The following TCF7L1 variants were observed in gnomAD, a reference collection of about 807,000 sequenced individuals.
TCF7L1 encodes transcription factor 7 like 1, also known as transcription factor 7-like 1.
A neutral mutation model predicts 63.7 loss-of-function variants in TCF7L1; 18 were observed. The observed-to-expected ratio is 0.28, with a 90% CI of 0.20 to 0.42. TCF7L1 has a LOEUF of 0.42. Ranked by LOEUF, TCF7L1 falls within the 10% of genes least tolerant of loss-of-function variation. The pLI, the probability that TCF7L1 is intolerant of heterozygous loss-of-function variation, is 1.00. For synonymous variants in TCF7L1, 355 were observed against 340.9 expected (o/e 1.04, Z -0.46); for missense variants, 654 against 779.3 (o/e 0.84, Z 1.91).
At chr2:85,290,113 G>A (rs1057086532) in intron 4 of TCF7L1, among the ~76,000 whole-genome samples, 20 of 151,936 alleles carry the variant, frequency 1.3e-4, no homozygotes, top group Middle Eastern at 3.4e-3. Context: ...CAAGTAGCTG[G>A]GATTACAGGC....
intron 3 of TCF7L1, among the ~76,000 whole-genome samples, chr2:85,214,983 T>C (rs1679662108): frequency 6.6e-6 from 1 of 152,112 alleles, no homozygotes; most frequent in Non-Finnish European, 1.5e-5. Flanking sequence ...CAGCCAGCTA[T>C]GGAGAGTAAA....
Position 85,302,609 on chromosome 2 carries a change from A to G in TCF7L1, c.651A>G (p.Pro217=), listed in dbSNP as rs1395958103. 1 of 1,490,054 alleles carries G rather than the reference A, an allele frequency of 6.7e-7. No individual in the cohort carries two copies. The highest frequency in any genetic ancestry group is 1.1e-5 in the South Asian group (1 of 89,218). The allele number at this position is 1,490,054 out of a possible 1,614,324, so 92.3% of individuals were successfully genotyped here. The change falls in exon 5 of 12, where the codon CCA becomes CCG. Residue 217 remains proline, a synonymous_variant. Transcript: ENST00000282111. The part of the protein sequence containing the change: ...PPTHLSPEID[P]KTGIPRPPHP... ...CCCACCTCTCCCCAGAGATCGATCC[A>G]AAGACAGGTAAGTCGTCTGCCACTC...
intron 3 of TCF7L1, among the ~76,000 whole-genome samples, chr2:85,180,481 A>G (rs1240222812): frequency 6.6e-6 from 1 of 151,996 alleles, no homozygotes; most frequent in Non-Finnish European, 1.5e-5. Flanking sequence ...GCACATTATC[A>G]TACCCCTCAA....
intron 7 of TCF7L1, 125 bp downstream of exon 7, chr2:85,304,463 T>C: frequency 1.1e-6 from 1 of 912,484 alleles, no homozygotes; most frequent in Non-Finnish European, 1.6e-6. Context: ...CCACCTCTCT[T>C]TGATCAAGCA....
chr2:85,223,281 G>A (rs982211737), intron 3 of TCF7L1, among the ~76,000 whole-genome samples: 8 of 152,098 alleles, frequency 5.3e-5, no homozygotes, highest in East Asian at 1.9e-4. Flanking sequence ...ACAAGGTTTC[G>A]AAATCCTGGC....
chr2:85,134,390 C>G lies in TCF7L1; in HGVS notation c.381C>G (p.Ile127Met). 6.4e-7 allele frequency: 1 copy of G among 1,573,392 alleles called. No individual in the cohort carries two copies. The highest frequency in any genetic ancestry group is 8.6e-7 in the Non-Finnish European group (1 of 1,158,704). ...ACCCTGGGTACCCCTTCCTGATGAT[C>G]CCGGACCTGAGCAGCCCGTACCTCT... Reference protein sequence around the residue: ...PPYPGYPFLMIPDLSSPYLSN... With the variant: ...PPYPGYPFLMMPDLSSPYLSN... The change falls in exon 3 of 12, where the codon ATC becomes ATG. Residue 127 changes from isoleucine to methionine, a missense_variant. Coordinates refer to ENST00000282111, the MANE Select transcript of TCF7L1 (RefSeq NM_031283.3). This position sits in a 1 kb window ranked among gnomAD's most constrained non-coding sequence, Gnocchi z 5.0.
chr2:85,136,100 A>G (rs1027360218), intron 3 of TCF7L1, among the ~76,000 whole-genome samples: 4 of 152,052 alleles, frequency 2.6e-5, no homozygotes, highest in Non-Finnish European at 4.4e-5. Flanking sequence ...TACTATTAGG[A>G]TATCTAGAGA....
chr2:85,220,807 G>A (rs116557619), intron 3 of TCF7L1, among the ~76,000 whole-genome samples: 1 of 152,150 alleles, frequency 6.6e-6, no homozygotes, highest in Non-Finnish European at 1.5e-5. Context: ...AAAAGAGAGA[G>A]AATATATATT....
chr2:85,229,212 G>C (rs1230780247), intron 3 of TCF7L1, among the ~76,000 whole-genome samples: 1 of 151,686 alleles, frequency 6.6e-6, no homozygotes, highest in African/African-American at 2.4e-5. Context: ...TGGGCGTGTT[G>C]GCACACACCT....
chr2:85,286,057 G>A lies in TCF7L1; in HGVS notation c.525+2479G>A, dbSNP rs1041994021. 4.6e-5 allele frequency among the ~76,000 whole-genome samples: 7 copies of A among 152,120 alleles called. 1 individual carries two copies. The highest frequency in any genetic ancestry group is 1.7e-4 in the African/African-American group (7 of 41,494). On this transcript the variant is annotated intron_variant, in intron 4 of 11. Coordinates refer to ENST00000282111, the MANE Select transcript of TCF7L1 (RefSeq NM_031283.3). Reference sequence around the variant, plus strand: ...AAATACAAAATTAGCCAGGCATGGTGGCGCATACCTGTAATCTCAACTACT... The same window carrying A: ...AAATACAAAATTAGCCAGGCATGGTAGCGCATACCTGTAATCTCAACTACT...
At position 85,221,996 on chromosome 2, in the gene TCF7L1, G is replaced by T. The variant is rs762394864; in HGVS notation, c.442-61499G>T. Reference sequence around the variant, plus strand: ...TCCACGAATAATACAGGAGGCGTGGGCAGGGTGGAAATAGGGAAAGAGAAA... The same window carrying T: ...TCCACGAATAATACAGGAGGCGTGGTCAGGGTGGAAATAGGGAAAGAGAAA... On this transcript the variant is annotated intron_variant, in intron 3 of 11. Transcript: ENST00000282111. Among the ~76,000 whole-genome samples the T allele has an allele frequency of 1.9e-4, 29 of 151,326 alleles. 1 individual carries two copies. The highest frequency in any genetic ancestry group is 6.2e-4 in the South Asian group (3 of 4,818).
At chr2:85,300,566 C>T (rs903424934) in intron 4 of TCF7L1, among the ~76,000 whole-genome samples, 1 of 152,062 alleles carries the variant, frequency 6.6e-6, no homozygotes, top group Non-Finnish European at 1.5e-5. Flanking sequence ...CGCCTCTCCT[C>T]TCTGCTTGGC....
intron 4 of TCF7L1, among the ~76,000 whole-genome samples, chr2:85,293,565 ATTTC>A (rs986284761): frequency 2.6e-5 from 4 of 152,168 alleles, no homozygotes; most frequent in Admixed American, 1.3e-4. Flanking sequence ...AGTCTCAGGT[ATTTC>A]TTTATAGCAA....
At position 85,162,111 on chromosome 2, in the gene TCF7L1, T is replaced by C. The variant is rs6726881; in HGVS notation, c.441+27661T>C. On this transcript the variant is annotated intron_variant, in intron 3 of 11. Transcript: ENST00000282111. ...CTGGCTGGGTGTGGTGATGCATGCCTGTAGTCCCAGCTACTCTGGAGGCTG... is the reference window on the plus strand; with the variant it reads ...CTGGCTGGGTGTGGTGATGCATGCCCGTAGTCCCAGCTACTCTGGAGGCTG... Among the ~76,000 whole-genome samples the C allele has an allele frequency of 7.7e-3, 1,161 of 151,458 alleles. 22 individuals are homozygous for C. Among genetic ancestry groups the C allele is most frequent in the South Asian group, 0.037 (177 of 4,774 alleles).
chr2:85,226,767 A>C (rs1282103823), intron 3 of TCF7L1, among the ~76,000 whole-genome samples: 1 of 150,760 alleles, frequency 6.6e-6, no homozygotes, highest in East Asian at 1.9e-4. Context: ...GGATCACTGC[A>C]GTAGTGCCCC....
chr2:85,171,516 A>G (rs1169504562), intron 3 of TCF7L1, among the ~76,000 whole-genome samples: 1 of 152,240 alleles, frequency 6.6e-6, no homozygotes, highest in East Asian at 1.9e-4. Context: ...TGGGCAGTAG[A>G]CATGAATGAG....
rs750538931 is a variant in TCF7L1 at position 85,134,499 on chromosome 2, A to G, written c.441+49A>G. 11 of 1,536,730 alleles carry G rather than the reference A, an allele frequency of 7.2e-6. 1 individual carries two copies. Among genetic ancestry groups the G allele is most frequent in the Admixed American group, 4.0e-5 (2 of 49,650 alleles). Reference sequence around the variant, plus strand: ...GGGAGGGTGGGAGGCCGCGGCCCGCAGGATGCGCCCCCGGGCTTGGCCATG... The same window carrying G: ...GGGAGGGTGGGAGGCCGCGGCCCGCGGGATGCGCCCCCGGGCTTGGCCATG... On this transcript the variant is annotated intron_variant, in intron 3 of 11. Coordinates refer to ENST00000282111, the MANE Select transcript of TCF7L1 (RefSeq NM_031283.3). The surrounding 1 kb of genome is among the most constrained non-coding windows in gnomAD (Gnocchi z 5.0).
At chr2:85,207,226 C>T (rs1424900223) in intron 3 of TCF7L1, among the ~76,000 whole-genome samples, 7 of 152,176 alleles carry the variant, frequency 4.6e-5, no homozygotes, top group African/African-American at 1.7e-4. Context: ...GAATTCACTT[C>T]CAAGTTACTG....
chr2:85,259,107 C>A (rs139832128), intron 3 of TCF7L1, among the ~76,000 whole-genome samples: 1 of 152,214 alleles, frequency 6.6e-6, no homozygotes, highest in Non-Finnish European at 1.5e-5. Flanking sequence ...CCTCCCAAGA[C>A]ACATTGTCAT....
Sources: gnomAD v4.1 joint callset for allele counts (sites outside exome capture counted in the v4.1 genomes callset) on GRCh38, gnomAD v4.1.1 for gene constraint, Gnocchi (gnomAD v3.1) non-coding constraint, MANE v1.5 for transcripts, NCBI Gene and HGNC (gene_info 2026-07-23, HGNC 2026-07-21) for gene names.